The following ROPN1L variants were observed in gnomAD, a reference collection of about 807,000 sequenced individuals.
The protein encoded by ROPN1L is rhophilin associated tail protein 1 like.
A neutral mutation model predicts 22.7 loss-of-function variants in ROPN1L; 23 were observed. That is an observed-to-expected ratio of 1.01 (90% confidence interval 0.73 to 1.43). The LOEUF (loss-of-function observed/expected upper bound fraction) is 1.43, where lower values mean the gene tolerates loss of function less well. Among genes scored for constraint, ROPN1L ranks in the 40% most tolerant of loss-of-function variants. The probability of loss-of-function intolerance (pLI) is 0.00; values close to 1 mark genes in which losing one functional copy is unlikely to be tolerated. For missense variants in ROPN1L, 271 were observed against 291.5 expected (o/e 0.93, Z 0.51); for synonymous variants, 116 against 117.8 (o/e 0.98, Z 0.10).
At chr5:10,457,852 C>A (rs900956236) in intron 3 of ROPN1L, among the ~76,000 whole-genome samples, 6 of 152,068 alleles carry the variant, frequency 3.9e-5, no homozygotes, top group African/African-American at 7.2e-5. Flanking sequence ...TTGTTTCTTG[C>A]GCTTCCCTTG....
chr5:10,460,884 G>A (rs187300428), intron 3 of ROPN1L, among the ~76,000 whole-genome samples: 2 of 152,374 alleles, frequency 1.3e-5, no homozygotes, highest in African/African-American at 4.8e-5. Flanking sequence ...AGCTTAGGAA[G>A]TTGGTTTTCA....
chr5:10,467,827 C>A (rs1357553540), downstream of ROPN1L, among the ~76,000 whole-genome samples: 1 of 152,182 alleles, frequency 6.6e-6, no homozygotes, highest in Non-Finnish European at 1.5e-5. Context: ...CCTGTGTCGT[C>A]TCAGAGTAGT....
At position 10,461,189 on chromosome 5, in the gene ROPN1L, G is replaced by C; in HGVS notation, c.423G>C (p.Leu141Phe). Residue 141 changes from leucine to phenylalanine, a missense_variant, in exon 4 of 5, where the codon TTG becomes TTC. Transcript: ENST00000274134. ...CCTGGCTGTGGTGCTCCCAGTCCTT[G>C]AACACTGCGCTGAAGCACCTGTGCG... ...ALGCSMLGGS[L>F]NTALKHLCEI... is the part of the protein sequence containing the mutation. 1 of 1,613,084 alleles carries C rather than the reference G, an allele frequency of 6.2e-7. No homozygotes were observed. The highest frequency in any genetic ancestry group is 1.1e-5 in the South Asian group (1 of 90,974).
At chr5:10,473,830 A>T (rs928521609), downstream of ROPN1L, among the ~76,000 whole-genome samples, 2 of 152,190 alleles carry the variant, frequency 1.3e-5, no homozygotes, top group Non-Finnish European at 2.9e-5. Context: ...AGAGAGTTCT[A>T]GAATGGAGAG....
chr5:10,479,623 G>A, the ROPN1L span, among the ~76,000 whole-genome samples: 53 of 152,216 alleles, frequency 3.5e-4, no homozygotes, highest in African/African-American at 4.8e-4. Flanking sequence ...TGCTTCGGGC[G>A]TCTCACCTTG....
intron 3 of ROPN1L, among the ~76,000 whole-genome samples, chr5:10,451,328 ACCTGTGG>A (rs1272620027): frequency 1.3e-5 from 2 of 152,078 alleles, no homozygotes; most frequent in East Asian, 3.9e-4. Context: ...ACTTCCAACC[ACCTGTGG>A]CCTCCTCCCA....
intron 2 of ROPN1L, among the ~76,000 whole-genome samples, 166 bp downstream of exon 2, chr5:10,448,549 G>A (rs140733481): frequency 1.3e-5 from 2 of 152,304 alleles, no homozygotes; most frequent in African/African-American, 4.8e-5. Context: ...GTTGATTCAA[G>A]GAAGAAATAT....
intron 3 of ROPN1L, among the ~76,000 whole-genome samples, chr5:10,457,363 A>G (rs1028160182): frequency 6.6e-6 from 1 of 152,208 alleles, no homozygotes; most frequent in African/African-American, 2.4e-5. Flanking sequence ...CTGCAGCCAA[A>G]TATCTGGGTC....
intron 4 of ROPN1L, 65 bp downstream of exon 4, chr5:10,461,424 C>A (rs922582363): frequency 7.0e-6 from 10 of 1,425,304 alleles, no homozygotes; most frequent in Non-Finnish European, 9.8e-6. Context: ...GTTTCACTTC[C>A]CCCTTGTAGG....
downstream of ROPN1L, among the ~76,000 whole-genome samples, chr5:10,473,348 A>G (rs544623807): frequency 6.6e-6 from 1 of 152,314 alleles, no homozygotes; most frequent in South Asian, 2.1e-4. Context: ...AGAGAAAGGC[A>G]GAGGGGAGTT....
At chr5:10,447,485 G>A (rs1208235897) in intron 1 of ROPN1L, among the ~76,000 whole-genome samples, 1 of 152,222 alleles carries the variant, frequency 6.6e-6, no homozygotes, top group African/African-American at 2.4e-5. Context: ...TGTGGAAGTA[G>A]GTGACCTGTG....
At chr5:10,474,191 T>G (rs1348231988), downstream of ROPN1L, among the ~76,000 whole-genome samples, 1 of 151,676 alleles carries the variant, frequency 6.6e-6, no homozygotes, top group Non-Finnish European at 1.5e-5. Context: ...AATTTTCTAA[T>G]TTCCACAGGT....
Position 10,442,179 on chromosome 5 carries a change from C to T in ROPN1L, c.12C>T (p.Pro4=), listed in dbSNP as rs746844249. The part of the protein sequence containing the change: MPL[P]DTMFCAQQIH... ...TTCTGCGGAGAGCGATGCCGCTTCC[C>T]GACACCATGTTCTGCGCTCAGCAGA... Residue 4 remains proline, a synonymous_variant, in exon 1 of 5, where the codon CCC becomes CCT. Transcript: ENST00000274134. 6.2e-7 allele frequency: 1 copy of T among 1,613,530 alleles called. No homozygotes were observed. The highest frequency in any genetic ancestry group is 1.3e-5 in the African/African-American group (1 of 75,064).
intron 2 of ROPN1L, among the ~76,000 whole-genome samples, chr5:10,449,500 C>T (rs559179048): frequency 3.9e-5 from 6 of 152,246 alleles, no homozygotes; most frequent in Admixed American, 3.9e-4. Context: ...GCCTGGGCAA[C>T]AGAATGAGAC....
intron 3 of ROPN1L, among the ~76,000 whole-genome samples, chr5:10,453,076 C>T (rs1286883130): frequency 6.6e-6 from 1 of 152,206 alleles, no homozygotes; most frequent in Admixed American, 6.5e-5. Context: ...CAGCAGGACT[C>T]CAGATTTGCC....
chr5:10,443,643 CACAG>C lies in ROPN1L; in HGVS notation c.131+1349_131+1352del, dbSNP rs1225274828. On this transcript the variant is annotated intron_variant, in intron 1 of 4. Transcript: ENST00000274134. ...GACTCCGTCTCAAAAAAAAAAAAAA[CACAG>C]ACATACATTCTTGCAGTTCTGGAGG... Among the ~76,000 whole-genome samples, 6 of 149,138 alleles carry C rather than the reference CACAG, an allele frequency of 4.0e-5. 1 individual carries two copies. The South Asian group carries it at 1.3e-3, about 31-fold the overall frequency.
downstream of ROPN1L, among the ~76,000 whole-genome samples, chr5:10,467,291 G>GAAACA (rs146868166): frequency 5.5e-3 from 812 of 148,952 alleles, 13 homozygotes; most frequent in African/African-American, 0.019. Flanking sequence ...AAAAAAACCA[G>GAAACA]AAACAAAACA....
At chr5:10,474,020 C>T (rs546976328), downstream of ROPN1L, among the ~76,000 whole-genome samples, 82 of 152,122 alleles carry the variant, frequency 5.4e-4, no homozygotes, top group African/African-American at 1.9e-3. Flanking sequence ...GGCGTGGTGG[C>T]GCACACCTGT....
In ROPN1L at chr5:10,453,535, C is replaced by T. The variant is rs146356466; in HGVS notation, c.417+3422C>T. Among the ~76,000 whole-genome samples, 37 of 152,246 alleles carry T rather than the reference C, an allele frequency of 2.4e-4. 1 individual carries two copies. The East Asian group carries it at 4.4e-3, about 18-fold the overall frequency. ...CCTTCAAAAAGGAGGAAATGAAGTG[C>T]GATGAGAATAATTTGTAGTGGATTA... On this transcript the variant is annotated intron_variant, in intron 3 of 4. Coordinates refer to ENST00000274134, the MANE Select transcript of ROPN1L (RefSeq NM_031916.5).
Sources: gnomAD v4.1 joint callset for allele counts (sites outside exome capture counted in the v4.1 genomes callset) on GRCh38, gnomAD v4.1.1 for gene constraint, MANE v1.5 for transcripts, NCBI Gene and HGNC (gene_info 2026-07-23, HGNC 2026-07-21) for gene names.